Variants in LRP5 observed in about 807,000 individuals in gnomAD.
The protein encoded by LRP5 is low-density lipoprotein receptor-related protein 5.
Under a neutral mutation model 154.1 loss-of-function variants are expected in LRP5, and 62 were observed. The observed-to-expected ratio is 0.40, with a 90% CI of 0.33 to 0.50. The LOEUF is 0.50. Among genes scored for constraint, LRP5 ranks in the 20% least tolerant of loss-of-function variants. The pLI, the probability that LRP5 is intolerant of heterozygous loss-of-function variation, is 0.55. For missense variants in LRP5, 1,915 were observed against 2,336.7 expected (o/e 0.82, Z 3.72); for synonymous variants, 966 against 1,011.5 (o/e 0.96, Z 0.85).
chr11:68,347,820 C>T, intron 1 of LRP5, 27 bp from the exon 2 acceptor site: 1 of 1,612,020 alleles, frequency 6.2e-7, no homozygotes. Context: ...TAGCCAGTGG[C>T]CCTCACGGTT....
chr11:68,410,232 TG>T, intron 10 of LRP5, 92 bp downstream of exon 10: 1 of 1,020,716 alleles, frequency 9.8e-7, no homozygotes, highest in South Asian at 1.4e-5. Flanking sequence ...GCTGTCCGTG[TG>T]GCCCTCGGTG....
In LRP5 at chr11:68,354,251, C is replaced by T. The variant is rs199794293; in HGVS notation, c.489-3399C>T. On this transcript the variant is annotated intron_variant, in intron 2 of 22. Coordinates refer to ENST00000294304, the MANE Select transcript of LRP5 (RefSeq NM_002335.4). ...TGGAATTTGGCTGGGCTTGTGGTAG[C>T]GTTTGAGACTCTGCAAGAGCACGTC... Among the ~76,000 whole-genome samples, 12 of 152,328 alleles carry T rather than the reference C, an allele frequency of 7.9e-5. No individual in the cohort carries two copies. The East Asian group carries it at 1.2e-3, about 15-fold the overall frequency.
chr11:68,407,239 G>A (rs901694930), intron 9 of LRP5, among the ~76,000 whole-genome samples: 2 of 150,844 alleles, frequency 1.3e-5, no homozygotes, highest in African/African-American at 4.9e-5. Context: ...CGTGAGCTCA[G>A]CTCACTGCAA....
chr11:68,334,524 A>G (rs2098604577), intron 1 of LRP5, among the ~76,000 whole-genome samples: 1 of 152,240 alleles, frequency 6.6e-6, no homozygotes, highest in Non-Finnish European at 1.5e-5. Flanking sequence ...AACTGTAGGT[A>G]CTGCCACACA....
At chr11:68,339,588 C>T (rs1161590293) in intron 1 of LRP5, among the ~76,000 whole-genome samples, 3 of 152,194 alleles carry the variant, frequency 2.0e-5, no homozygotes, top group South Asian at 2.1e-4. Flanking sequence ...CCTCGTGATC[C>T]GCCCGCCTCA....
At chr11:68,358,872 C>T (rs185339223) in intron 3 of LRP5, among the ~76,000 whole-genome samples, 27 of 152,292 alleles carry the variant, frequency 1.8e-4, no homozygotes, top group African/African-American at 5.5e-4. Context: ...CCTCCTGGGA[C>T]GGCAGACCCC....
chr11:68,357,029 G>A (rs1349167274), intron 2 of LRP5, among the ~76,000 whole-genome samples: 5 of 151,050 alleles, frequency 3.3e-5, no homozygotes, highest in African/African-American at 4.9e-5. Flanking sequence ...TCCCCCTCCC[G>A]GGTTCAAATG....
At chr11:68,350,492 G>T (rs2098617400) in intron 2 of LRP5, among the ~76,000 whole-genome samples, 1 of 152,218 alleles carries the variant, frequency 6.6e-6, no homozygotes, top group South Asian at 2.1e-4. Flanking sequence ...TCTGGAGTAG[G>T]ACTGAAGACC....
Position 68,443,564 on chromosome 11 carries a change from TATATATATATATA to T in LRP5, c.4489-2871_4489-2859del, listed in dbSNP as rs1373424273. ...TATGGCATATATATATATATATATA[TATATATATATATA>T]TATATATATTTTTTTTTTTTTTGGT... On this transcript the variant is annotated intron_variant, in intron 21 of 22. Coordinates refer to ENST00000294304, the MANE Select transcript of LRP5 (RefSeq NM_002335.4). 2.1e-3 allele frequency among the ~76,000 whole-genome samples: 77 copies of T among 36,398 alleles called. 1 individual carries two copies. The highest frequency in any genetic ancestry group is 8.2e-3 in the African/African-American group (63 of 7,716). The allele number at this position is 36,398 out of a possible 152,430, so 23.9% of individuals were successfully genotyped here.
chr11:68,445,749 G>A, intron 21 of LRP5: 1 of 1,041,834 alleles, frequency 9.6e-7, no homozygotes, highest in Non-Finnish European at 1.3e-6. Context: ...TTGTAGGGCT[G>A]GTTGTGTGCT....
At chr11:68,446,667 T>A in intron 22 of LRP5, 134 bp downstream of exon 22, 1 of 787,414 alleles carries the variant, frequency 1.3e-6, no homozygotes, top group Non-Finnish European at 2.2e-6. Flanking sequence ...CAGCCCTGCC[T>A]CCCTCTGCTC....
At chr11:68,351,040 G>C (rs548261910) in intron 2 of LRP5, among the ~76,000 whole-genome samples, 1 of 152,318 alleles carries the variant, frequency 6.6e-6, no homozygotes, top group East Asian at 1.9e-4. Context: ...ATGTGCCCGT[G>C]TGAGCGAGTA....
intron 5 of LRP5, among the ~76,000 whole-genome samples, chr11:68,376,568 G>A (rs2098637465): frequency 6.6e-6 from 1 of 152,252 alleles, no homozygotes; most frequent in African/African-American, 2.4e-5. Context: ...TGGGATCTGG[G>A]CCTGGCGTCC....
intron 8 of LRP5, among the ~76,000 whole-genome samples, chr11:68,405,696 A>G (rs1431318801): frequency 6.6e-6 from 1 of 152,216 alleles, no homozygotes; most frequent in African/African-American, 2.4e-5. Flanking sequence ...TGAAATATTT[A>G]ACACTAAATT....
At position 68,354,280 on chromosome 11, in the gene LRP5, G is replaced by A. The variant is rs966442597; in HGVS notation, c.489-3370G>A. On this transcript the variant is annotated intron_variant, in intron 2 of 22. Coordinates refer to ENST00000294304, the MANE Select transcript of LRP5 (RefSeq NM_002335.4). ...TGAGACTCTGCAAGAGCACGTCCAC[G>A]CCAACCAGTCTCTGGTCACCGACTG... 2.0e-4 allele frequency among the ~76,000 whole-genome samples: 31 copies of A among 152,232 alleles called. 1 individual carries two copies. Among genetic ancestry groups the A allele is most frequent in the South Asian group, 2.1e-4 (1 of 4,832 alleles).
chr11:68,346,981 G>A (rs909080834), intron 1 of LRP5, among the ~76,000 whole-genome samples: 5 of 152,244 alleles, frequency 3.3e-5, no homozygotes, highest in African/African-American at 1.2e-4. Context: ...TTGTCTGTGA[G>A]ATGAGGCTTC....
chr11:68,372,347 GTGA>G, intron 5 of LRP5, among the ~76,000 whole-genome samples: 1 of 129,464 alleles, frequency 7.7e-6, no homozygotes, highest in African/African-American at 3.1e-5. Context: ...TGTGGTGGTG[GTGA>G]GGAGGTGCAG....
intron 16 of LRP5, among the ~76,000 whole-genome samples, chr11:68,428,103 C>T (rs1038994805): frequency 3.7e-4 from 56 of 151,870 alleles, no homozygotes; most frequent in African/African-American, 1.3e-3. Flanking sequence ...AGTGATTCTC[C>T]TACCTCAGCC....
At chr11:68,307,909 C>A (rs576670678), upstream of LRP5, among the ~76,000 whole-genome samples, 17 of 152,312 alleles carry the variant, frequency 1.1e-4, no homozygotes, top group Admixed American at 7.2e-4. Context: ...AGAAATAGAG[C>A]AGATATCATG....
Sources: allele counts gnomAD v4.1 joint callset (sites outside exome capture counted in the v4.1 genomes callset), GRCh38; gene constraint gnomAD v4.1.1; transcripts MANE v1.5; gene names NCBI Gene and HGNC (gene_info 2026-07-23, HGNC 2026-07-21).